Variants in SDCCAG8 observed in about 807,000 individuals in gnomAD.
The protein encoded by SDCCAG8 is serologically defined colon cancer antigen 8.
Under a neutral mutation model 101.8 loss-of-function variants are expected in SDCCAG8, and 74 were observed. The ratio of observed to expected loss-of-function variants is 0.73; its 90% CI spans 0.60 to 0.88. The LOEUF is 0.88. Ranked by LOEUF, SDCCAG8 falls within the 40% of genes least tolerant of loss-of-function variation. SDCCAG8 has a pLI of 0.00. For missense variants in SDCCAG8, 787 were observed against 822.6 expected (o/e 0.96, Z 0.53); for synonymous variants, 281 against 292.9 (o/e 0.96, Z 0.41).
intron 16 of SDCCAG8, among the ~76,000 whole-genome samples, chr1:243,472,859 C>G (rs1207055647): frequency 6.6e-6 from 1 of 152,184 alleles, no homozygotes; most frequent in Non-Finnish European, 1.5e-5. Flanking sequence ...ATCTGAAAAT[C>G]ACTTGAAGAT....
At chr1:243,437,027 T>A (rs1033441169) in intron 16 of SDCCAG8, among the ~76,000 whole-genome samples, 1 of 152,238 alleles carries the variant, frequency 6.6e-6, no homozygotes, top group African/African-American at 2.4e-5. Context: ...CAATTCACTC[T>A]CTAAAGCTGA....
chr1:243,343,281 A>G (rs1490162825), intron 11 of SDCCAG8, among the ~76,000 whole-genome samples: 1 of 152,244 alleles, frequency 6.6e-6, no homozygotes, highest in Non-Finnish European at 1.5e-5. Flanking sequence ...ATTAAGAGCC[A>G]TATATTTGTA....
At chr1:243,456,275 G>A (rs1239014616) in intron 16 of SDCCAG8, among the ~76,000 whole-genome samples, 1 of 152,132 alleles carries the variant, frequency 6.6e-6, no homozygotes, top group Non-Finnish European at 1.5e-5. Context: ...AGCCTGCCCT[G>A]GTTGGTAGGG....
chr1:243,295,553 C>T (rs934078961), intron 6 of SDCCAG8, among the ~76,000 whole-genome samples: 69 of 152,286 alleles, frequency 4.5e-4, no homozygotes, highest in African/African-American at 1.6e-3. Flanking sequence ...TCTCCCGTCA[C>T]TCTTACAAAT....
intron 16 of SDCCAG8, among the ~76,000 whole-genome samples, chr1:243,434,996 A>T (rs1005731810): frequency 6.6e-6 from 1 of 152,248 alleles, no homozygotes; most frequent in African/African-American, 2.4e-5. Flanking sequence ...GGATAGGCCC[A>T]CTACCCAGGA....
intron 13 of SDCCAG8, among the ~76,000 whole-genome samples, chr1:243,387,578 C>T (rs1181331996): frequency 6.6e-6 from 1 of 152,110 alleles, no homozygotes; most frequent in Admixed American, 6.5e-5. Flanking sequence ...GGATTTGTGT[C>T]TTTTTGAAAG....
At chr1:243,429,870 T>A (rs1158868808) in intron 16 of SDCCAG8, among the ~76,000 whole-genome samples, 2 of 151,728 alleles carry the variant, frequency 1.3e-5, no homozygotes, top group Admixed American at 1.3e-4. Context: ...CCCAACTAGT[T>A]TTTGTATTTT....
At chr1:243,402,699 C>T (rs1343335755) in intron 13 of SDCCAG8, among the ~76,000 whole-genome samples, 1 of 152,136 alleles carries the variant, frequency 6.6e-6, no homozygotes, top group Admixed American at 6.5e-5. Flanking sequence ...TTCCAGCTTT[C>T]CCACAATGCC....
At chr1:243,289,127 T>C (rs1179025551) in intron 5 of SDCCAG8, among the ~76,000 whole-genome samples, 2 of 152,136 alleles carry the variant, frequency 1.3e-5, no homozygotes, top group South Asian at 4.1e-4. Flanking sequence ...TATTAACTTA[T>C]TAACTGACAC....
intron 17 of SDCCAG8, among the ~76,000 whole-genome samples, chr1:243,490,921 G>T (rs566254318): frequency 2.0e-5 from 3 of 152,362 alleles, no homozygotes; most frequent in African/African-American, 7.2e-5. Context: ...GCCAGCCAAA[G>T]ATCAGGACCA....
chr1:243,476,604 C>T (rs1241214508), intron 16 of SDCCAG8, among the ~76,000 whole-genome samples: 3 of 152,180 alleles, frequency 2.0e-5, no homozygotes, highest in Admixed American at 2.0e-4. Flanking sequence ...GCAGTGTGCC[C>T]CCCAAACCCA....
chr1:243,273,695 C>T (rs750121446), intron 3 of SDCCAG8, among the ~76,000 whole-genome samples: 3 of 152,234 alleles, frequency 2.0e-5, no homozygotes, highest in Admixed American at 1.3e-4. Context: ...TAAAGAATCT[C>T]TCCTTCACGG....
intron 3 of SDCCAG8, among the ~76,000 whole-genome samples, chr1:243,271,611 C>T (rs537670992): frequency 5.3e-5 from 8 of 152,012 alleles, no homozygotes; most frequent in East Asian, 3.9e-4. Context: ...GGCATGATCT[C>T]GCCTCACTAC....
At chr1:243,318,026 T>C (rs1199662307) in intron 9 of SDCCAG8, 1 of 456,576 alleles carries the variant, frequency 2.2e-6, no homozygotes, top group Non-Finnish European at 4.4e-6. Context: ...GCATGTGAAT[T>C]GTCATTGCAG....
intron 16 of SDCCAG8, among the ~76,000 whole-genome samples, chr1:243,462,953 G>A (rs769959242): frequency 5.9e-5 from 9 of 152,134 alleles, no homozygotes; most frequent in Non-Finnish European, 8.8e-5. Context: ...CACCAAAGGT[G>A]GAAATGGTTT....
At chr1:243,377,232 T>C (rs2077650440) in intron 12 of SDCCAG8, among the ~76,000 whole-genome samples, 1 of 152,134 alleles carries the variant, frequency 6.6e-6, no homozygotes, top group African/African-American at 2.4e-5. Flanking sequence ...AATGAATAAA[T>C]TTTTGAAGTT....
chr1:243,348,547 A>G (rs1464685719), intron 12 of SDCCAG8, among the ~76,000 whole-genome samples: 1 of 152,126 alleles, frequency 6.6e-6, no homozygotes, highest in East Asian at 1.9e-4. Flanking sequence ...CCCCAGCAGC[A>G]GGGCAGGGCG....
intron 9 of SDCCAG8, among the ~76,000 whole-genome samples, chr1:243,329,695 T>C (rs946801726): frequency 1.3e-5 from 2 of 152,234 alleles, no homozygotes; most frequent in African/African-American, 4.8e-5. Flanking sequence ...AATCTGTGTA[T>C]GTAACTAAAT....
At chr1:243,258,907 A>C (rs542957131) in intron 1 of SDCCAG8, among the ~76,000 whole-genome samples, 187 of 152,248 alleles carry the variant, frequency 1.2e-3, no homozygotes, top group African/African-American at 4.4e-3. Flanking sequence ...TACTTCCCCA[A>C]ATGCCTTGCG....
Sources: allele counts gnomAD v4.1 joint callset (sites outside exome capture counted in the v4.1 genomes callset), GRCh38; gene constraint gnomAD v4.1.1; transcripts MANE v1.5; gene names NCBI Gene and HGNC (gene_info 2026-07-23, HGNC 2026-07-21).